PAPPA: variants seen among roughly 807,000 people sequenced by gnomAD.
PAPPA encodes pappalysin-1.
Under a neutral mutation model 164.0 loss-of-function variants are expected in PAPPA, and 60 were observed. The observed-to-expected ratio is 0.37, with a 90% CI of 0.30 to 0.45. The LOEUF (loss-of-function observed/expected upper bound fraction) is 0.45. PAPPA is among the 20% of genes least tolerant of loss of function. The probability of loss-of-function intolerance (pLI) is 1.00; values close to 1 mark genes in which losing one functional copy is unlikely to be tolerated. For synonymous variants in PAPPA, 875 were observed against 814.1 expected, an observed-to-expected ratio of 1.07 and a Z score of -1.27; for missense variants, 1,782 against 2,087.3, an observed-to-expected ratio of 0.85 and a Z score of 2.85.
intron 3 of PAPPA, among the ~76,000 whole-genome samples, chr9:116,209,477 G>A (rs982407507): frequency 1.3e-5 from 2 of 152,180 alleles, no homozygotes; most frequent in African/African-American, 2.4e-5. Flanking sequence ...GGCTTCTACT[G>A]TTAGAAAAAA....
At chr9:116,376,212 G>A (rs1481453037) in intron 19 of PAPPA, among the ~76,000 whole-genome samples, 1 of 151,944 alleles carries the variant, frequency 6.6e-6, no homozygotes, top group Non-Finnish European at 1.5e-5. Flanking sequence ...GTAGAGACGG[G>A]GTTTCACCAT....
chr9:116,231,676 TGG>T (rs1844595016), intron 6 of PAPPA, among the ~76,000 whole-genome samples: 1 of 50,216 alleles, frequency 2.0e-5, no homozygotes, highest in African/African-American at 8.5e-5. Flanking sequence ...GATGGATGGA[TGG>T]ATGGATGGAT....
chr9:116,235,453 G>A lies in PAPPA; in HGVS notation c.2548G>A (p.Val850Met), dbSNP rs1490604852. The A allele has an allele frequency of 2.5e-6, 4 of 1,613,108 alleles. No homozygotes were observed. Among genetic ancestry groups the A allele is most frequent in the Non-Finnish European group, 3.4e-6 (4 of 1,179,676 alleles). Residue 850 changes from valine (V) to methionine (M), a missense_variant, in exon 7 of 22, where the codon GTG (valine) becomes ATG (methionine). By Grantham distance (21) the Val-to-Met change is conservative. This residue lies in a region of PAPPA where 1,324 missense variants were observed against 1,656.9 expected (regional missense o/e 0.80). Transcript: ENST00000328252. Reference sequence around the variant, plus strand: ...CAGACTCTGGGACGTGGGCGAGGAGGTGTATGGCATCCAAATCTACACGCT... The same window carrying A: ...CAGACTCTGGGACGTGGGCGAGGAGATGTATGGCATCCAAATCTACACGCT... ...TIRLWDVGEE[V>M]YGIQIYTLDE...
intron 7 of PAPPA, among the ~76,000 whole-genome samples, chr9:116,239,477 T>C (rs1397315990): frequency 2.0e-5 from 3 of 152,182 alleles, no homozygotes; most frequent in Non-Finnish European, 4.4e-5. Flanking sequence ...GTGATTCACA[T>C]ACTTTTTTGT....
rs983857636 is a variant in PAPPA at position 116,305,475 on chromosome 9, A to T, written c.3147+2525A>T. On this transcript the variant is annotated intron_variant, in intron 10 of 21. Coordinates refer to ENST00000328252, the MANE Select transcript of PAPPA (RefSeq NM_002581.5). ...TCCCTCTTCTCTCTCTCTCTCTCAC[A>T]CACACACACACACACATACATACAC... Among the ~76,000 whole-genome samples, 368 of 149,978 alleles carry T rather than the reference A, an allele frequency of 2.5e-3. 3 individuals are homozygous for T. Among genetic ancestry groups the T allele is most frequent in the African/African-American group, 6.9e-3 (285 of 41,080 alleles).
chr9:116,341,204 C>A (rs1245657419), intron 13 of PAPPA, among the ~76,000 whole-genome samples: 1 of 151,970 alleles, frequency 6.6e-6, no homozygotes, highest in East Asian at 1.9e-4. Flanking sequence ...CCGCTCCCAG[C>A]TAATTTTTTT....
At chr9:116,278,078 C>T (rs1845223086) in intron 9 of PAPPA, among the ~76,000 whole-genome samples, 1 of 152,230 alleles carries the variant, frequency 6.6e-6, no homozygotes, top group South Asian at 2.1e-4. Flanking sequence ...GATTTAGTAA[C>T]TTGCCTACAG....
chr9:116,220,030 A>C lies in PAPPA; in HGVS notation c.2012A>C (p.Lys671Thr). Residue 671 changes from lysine (K) to threonine (T), a missense_variant, in exon 5 of 22, where the codon AAA (lysine) becomes ACA (threonine). Lys to Thr is a moderately conservative substitution (Grantham distance 78, BLOSUM62 -1). Coordinates refer to ENST00000328252, the MANE Select transcript of PAPPA (RefSeq NM_002581.5). ...TACCAGGGCTGGCAGCCCTCCAGGA[A>C]ACCAGCGCCTGTTGCCCTCGCCCCC... ...LVYQGWQPSR[K>T]PAPVALAPQV... 6.2e-7 allele frequency: 1 copy of C among 1,614,170 alleles called. No homozygotes were observed. The highest frequency in any genetic ancestry group is 1.1e-5 in the South Asian group (1 of 91,076).
At chr9:116,192,392 GA>G (rs759554620) in intron 2 of PAPPA, among the ~76,000 whole-genome samples, 1 of 152,208 alleles carries the variant, frequency 6.6e-6, no homozygotes, top group African/African-American at 2.4e-5. Flanking sequence ...CATGAGCAGA[GA>G]AAAGTTCAGT....
chr9:116,352,262 G>A (rs1191127207), intron 15 of PAPPA, among the ~76,000 whole-genome samples: 4 of 152,192 alleles, frequency 2.6e-5, no homozygotes, highest in African/African-American at 9.7e-5. Context: ...GGGCCCAGGG[G>A]GAGAGTGGCA....
intron 1 of PAPPA, among the ~76,000 whole-genome samples, chr9:116,166,526 C>T (rs1262371832): frequency 6.6e-6 from 1 of 152,152 alleles, no homozygotes; most frequent in African/African-American, 2.4e-5. Context: ...CCTTGATTTT[C>T]CTTGATCTTG....
At chr9:116,217,390 G>A (rs1378741699) in intron 4 of PAPPA, among the ~76,000 whole-genome samples, 1 of 152,084 alleles carries the variant, frequency 6.6e-6, no homozygotes, top group Non-Finnish European at 1.5e-5. Context: ...TTAGTATTCT[G>A]TTCTATGTCT....
intron 17 of PAPPA, among the ~76,000 whole-genome samples, chr9:116,357,298 G>A (rs1373872326): frequency 3.3e-5 from 5 of 152,326 alleles, no homozygotes; most frequent in African/African-American, 9.6e-5. Flanking sequence ...TACTTATACA[G>A]TGGCTACCAT....
At chr9:116,210,415 A>G (rs1456837630) in intron 3 of PAPPA, among the ~76,000 whole-genome samples, 1 of 152,118 alleles carries the variant, frequency 6.6e-6, no homozygotes, top group African/African-American at 2.4e-5. Context: ...AAAACCCTCC[A>G]TGCCCATGTG....
intron 10 of PAPPA, among the ~76,000 whole-genome samples, chr9:116,314,594 T>A (rs1845763757): frequency 6.6e-6 from 1 of 152,134 alleles, no homozygotes; most frequent in Non-Finnish European, 1.5e-5. Context: ...ACTCCAAAAG[T>A]CTTAGCAGAC....
Position 116,188,235 on chromosome 9 carries a change from A to G in PAPPA, c.1478+19A>G, listed in dbSNP as rs1257462356. ...CACACAGGTAAGACCTTACTGGGCT[A>G]AAGATGCCCAGTTGAAAGTTGAACT... is the stretch of plus-strand genomic sequence containing the variant. On this transcript the variant is annotated intron_variant, in intron 2 of 21. Transcript: ENST00000328252. The G allele has an allele frequency of 2.6e-6, 4 of 1,555,822 alleles. No homozygotes were observed. The highest frequency in any genetic ancestry group is 3.5e-6 in the Non-Finnish European group (4 of 1,134,282).
chr9:116,374,570 C>T (rs184911172), intron 19 of PAPPA, among the ~76,000 whole-genome samples: 36 of 152,308 alleles, frequency 2.4e-4, no homozygotes, highest in African/African-American at 7.5e-4. Flanking sequence ...TAGGCTTATG[C>T]AGATAGTATA....
At chr9:116,380,131 T>C (rs1487860638) in intron 20 of PAPPA, among the ~76,000 whole-genome samples, 2 of 152,196 alleles carry the variant, frequency 1.3e-5, no homozygotes, top group Non-Finnish European at 2.9e-5. Context: ...ATTGGTTAAT[T>C]AGATGTGTGA....
chr9:116,219,871 AT>A (rs1454827195), intron 4 of PAPPA, 65 bp from the exon 5 acceptor site: 18 of 1,369,150 alleles, frequency 1.3e-5, no homozygotes, highest in South Asian at 7.8e-5. Flanking sequence ...AGGAGCCGTC[AT>A]TACTCTCTCA....
Sources: allele counts gnomAD v4.1 joint callset (sites outside exome capture counted in the v4.1 genomes callset), GRCh38; gene constraint gnomAD v4.1.1; regional missense constraint gnomAD v4.1.1; transcripts MANE v1.5; gene names NCBI Gene and HGNC (gene_info 2026-07-23, HGNC 2026-07-21).